Variants in EXOC6B observed in about 807,000 individuals in gnomAD.
EXOC6B encodes the protein SEC15 homolog B.
In EXOC6B, 54 loss-of-function variants were observed where a neutral mutation model predicts 113.5. The observed-to-expected ratio is 0.48, with a 90% confidence interval of 0.38 to 0.60. EXOC6B has a LOEUF of 0.60. Among genes scored for constraint, EXOC6B ranks in the 20% least tolerant of loss-of-function variants. The pLI is 0.00. For synonymous variants in EXOC6B, 357 were observed against 339.0 expected (o/e 1.05, Z -0.58); for missense variants, 797 against 977.5 (o/e 0.82, Z 2.46).
At chr2:72,292,658 C>T (rs953944847) in intron 20 of EXOC6B, among the ~76,000 whole-genome samples, 1 of 152,082 alleles carries the variant, frequency 6.6e-6, no homozygotes, top group African/African-American at 2.4e-5. Flanking sequence ...TAAAGAAACT[C>T]CTTTGTTTTA....
intron 1 of EXOC6B, among the ~76,000 whole-genome samples, chr2:72,789,362 A>C (rs546656315): frequency 6.6e-6 from 1 of 152,140 alleles, no homozygotes; most frequent in African/African-American, 2.4e-5. Context: ...CTTCATCCCC[A>C]CCCTGAGGCA....
intron 19 of EXOC6B, among the ~76,000 whole-genome samples, chr2:72,368,214 C>T (rs1357104230): frequency 3.3e-5 from 5 of 152,118 alleles, no homozygotes; most frequent in South Asian, 2.1e-4. Context: ...TACAAACTAC[C>T]ATCAGAGAAT....
At chr2:72,630,108 C>G (rs1200286737) in intron 6 of EXOC6B, among the ~76,000 whole-genome samples, 1 of 152,168 alleles carries the variant, frequency 6.6e-6, no homozygotes, top group Admixed American at 6.6e-5. Context: ...GCCAACCAAT[C>G]CAGAGGTAAA....
At chr2:72,198,860 G>A (rs1341492985) in intron 20 of EXOC6B, among the ~76,000 whole-genome samples, 1 of 152,162 alleles carries the variant, frequency 6.6e-6, no homozygotes, top group South Asian at 2.1e-4. Flanking sequence ...ACTAATCTGG[G>A]GTGCATGGGT....
At chr2:72,490,739 C>CGT (rs1699697498) in intron 16 of EXOC6B, among the ~76,000 whole-genome samples, 1 of 152,128 alleles carries the variant, frequency 6.6e-6, no homozygotes, top group Non-Finnish European at 1.5e-5. Context: ...TTGATAACTT[C>CGT]GTACTTGTTC....
chr2:72,768,296 T>C (rs572848363), intron 1 of EXOC6B, among the ~76,000 whole-genome samples: 1 of 149,122 alleles, frequency 6.7e-6, no homozygotes, highest in Non-Finnish European at 1.5e-5. Context: ...AGCTTTTTTT[T>C]TTTTTTTTTT....
At chr2:72,398,341 C>A (rs963705471) in intron 18 of EXOC6B, among the ~76,000 whole-genome samples, 22 of 152,086 alleles carry the variant, frequency 1.4e-4, no homozygotes, top group Admixed American at 7.9e-4. Flanking sequence ...GGTACTCAGG[C>A]ATTCAGACAC....
chr2:72,799,787 C>G (rs1376827156), intron 1 of EXOC6B, among the ~76,000 whole-genome samples: 1 of 152,078 alleles, frequency 6.6e-6, no homozygotes, highest in Admixed American at 6.6e-5. Flanking sequence ...AATAGTGGCT[C>G]AACCTGGTGG....
rs149600308 is a variant in EXOC6B, at chr2:72,471,614, T to C, written c.1801-6275A>G. On this transcript the variant is annotated intron_variant, in intron 17 of 21. Transcript: ENST00000272427. ...GGTTTTAGGTCTAGATGGAGCCTTTTAGTTTTTCTAAATGAAAGATCGTAT... is the reference window on the plus strand; with the variant it reads ...GGTTTTAGGTCTAGATGGAGCCTTTCAGTTTTTCTAAATGAAAGATCGTAT... Among the ~76,000 whole-genome samples, 431 of 152,250 alleles carry C rather than the reference T, an allele frequency of 2.8e-3. 3 individuals are homozygous for C. Among genetic ancestry groups the C allele is most frequent in the Non-Finnish European group, 4.6e-3 (316 of 67,980 alleles).
At chr2:72,636,332 G>GGAAGGAAT (rs1672821671) in intron 6 of EXOC6B, among the ~76,000 whole-genome samples, 1 of 18,576 alleles carries the variant, frequency 5.4e-5, no homozygotes, top group South Asian at 3.0e-3. Context: ...AGGGAAGGAG[G>GGAAGGAAT]GAAGGAAGGA....
intron 20 of EXOC6B, among the ~76,000 whole-genome samples, chr2:72,211,501 C>T (rs1365472983): frequency 1.3e-5 from 2 of 152,134 alleles, no homozygotes; most frequent in South Asian, 2.1e-4. Flanking sequence ...TAATGAATGC[C>T]TCCATGTACC....
intron 1 of EXOC6B, chr2:72,760,527 G>A (rs1170025292): frequency 5.1e-5 from 8 of 156,790 alleles, no homozygotes; most frequent in East Asian, 3.8e-4. Context: ...CGACTAAAAC[G>A]TGAAACATGT....
chr2:72,281,605 C>T (rs1685137736), intron 20 of EXOC6B, among the ~76,000 whole-genome samples: 1 of 152,150 alleles, frequency 6.6e-6, no homozygotes, highest in African/African-American at 2.4e-5. Flanking sequence ...AAAATCTAGA[C>T]TGAAGCGGAA....
intron 18 of EXOC6B, among the ~76,000 whole-genome samples, chr2:72,417,698 T>C (rs1269272989): frequency 6.6e-6 from 1 of 152,202 alleles, no homozygotes; most frequent in African/African-American, 2.4e-5. Context: ...GAAAAATGTA[T>C]ATGTTTAGTC....
chr2:72,369,966 C>A (rs1283572660), intron 19 of EXOC6B, among the ~76,000 whole-genome samples: 1 of 152,198 alleles, frequency 6.6e-6, no homozygotes, highest in East Asian at 1.9e-4. Flanking sequence ...GACTTCATGT[C>A]TGAAACACCA....
intron 6 of EXOC6B, among the ~76,000 whole-genome samples, chr2:72,608,035 C>T (rs922168595): frequency 6.6e-5 from 10 of 152,014 alleles, no homozygotes; most frequent in Non-Finnish European, 1.3e-4. Flanking sequence ...AGGCAATAAT[C>T]AAAATAACAA....
At chr2:72,794,111 T>G (rs986444596) in intron 1 of EXOC6B, among the ~76,000 whole-genome samples, 1 of 152,212 alleles carries the variant, frequency 6.6e-6, no homozygotes, top group African/African-American at 2.4e-5. Context: ...ACATTAATCG[T>G]CATATATAAA....
chr2:72,410,900 G>A (rs1694136777), intron 18 of EXOC6B, among the ~76,000 whole-genome samples: 1 of 152,254 alleles, frequency 6.6e-6, no homozygotes, highest in Admixed American at 6.5e-5. Flanking sequence ...ATGGCCGACT[G>A]AGCTGAGATA....
chr2:72,691,158 A>G, intron 6 of EXOC6B, among the ~76,000 whole-genome samples: 1 of 152,156 alleles, frequency 6.6e-6, no homozygotes, highest in East Asian at 1.9e-4. Context: ...CACAAGGAAA[A>G]TGCTGTGTGA....
Sources: allele counts gnomAD v4.1 joint callset (sites outside exome capture counted in the v4.1 genomes callset), GRCh38; gene constraint gnomAD v4.1.1; transcripts MANE v1.5; gene names NCBI Gene and HGNC (gene_info 2026-07-23, HGNC 2026-07-21).